The following MLLT10 variants were observed in gnomAD, a reference collection of about 807,000 sequenced individuals.
MLLT10 encodes MLLT10 histone lysine methyltransferase DOT1L cofactor.
MLLT10 carries 30 observed loss-of-function variants against 129.1 expected under a neutral mutation model. The observed-to-expected ratio is 0.23, with a 90% confidence interval of 0.17 to 0.32. MLLT10 has a LOEUF of 0.32. Ranked by LOEUF, MLLT10 falls within the 10% of genes least tolerant of loss-of-function variation. The pLI is 1.00. For missense variants in MLLT10, 1,119 were observed against 1,268.3 expected (o/e 0.88, Z 1.79); for synonymous variants, 490 against 446.4 (o/e 1.10, Z -1.23).
At chr10:21,737,180 C>T (rs1050126292) in intron 21 of MLLT10, among the ~76,000 whole-genome samples, 2 of 20,714 alleles carry the variant, frequency 9.7e-5, no homozygotes, top group Non-Finnish European at 1.6e-4. Flanking sequence ...GTGACACCTG[C>T]ACCTGACAGG....
chr10:21,618,551 TAAACATTGTAG>T (rs1241582033), intron 8 of MLLT10, among the ~76,000 whole-genome samples: 2 of 152,112 alleles, frequency 1.3e-5, no homozygotes, highest in Admixed American at 1.3e-4. Flanking sequence ...TTTTTCAAGG[TAAACATTGTAG>T]AAACTTAAGT....
chr10:21,589,637 C>T (rs1246622615), intron 4 of MLLT10, among the ~76,000 whole-genome samples: 1 of 152,160 alleles, frequency 6.6e-6, no homozygotes, highest in Non-Finnish European at 1.5e-5. Context: ...TGTAAATTCA[C>T]TTGTCCATCT....
intron 14 of MLLT10, among the ~76,000 whole-genome samples, chr10:21,717,901 C>A (rs1028070849): frequency 6.7e-6 from 1 of 148,392 alleles, no homozygotes; most frequent in African/African-American, 2.6e-5. Context: ...CCTCCTCCTC[C>A]TCCTCCTCCT....
chr10:21,570,710 AT>A (rs1366327038), intron 3 of MLLT10, among the ~76,000 whole-genome samples: 2 of 151,670 alleles, frequency 1.3e-5, no homozygotes, highest in Admixed American at 1.3e-4. Flanking sequence ...AATATTTCAT[AT>A]TTTTACTTAA....
intron 7 of MLLT10, among the ~76,000 whole-genome samples, chr10:21,615,553 CTT>C (rs1401852736): frequency 5.4e-5 from 8 of 148,876 alleles, no homozygotes; most frequent in Non-Finnish European, 1.0e-4. Flanking sequence ...CTGTAGGAAA[CTT>C]TATATTTTTA....
At chr10:21,714,873 G>A (rs1456461271) in intron 14 of MLLT10, among the ~76,000 whole-genome samples, 1 of 152,146 alleles carries the variant, frequency 6.6e-6, no homozygotes, top group Non-Finnish European at 1.5e-5. Context: ...TTGTAATCCT[G>A]TTTTATAAAG....
intron 3 of MLLT10, among the ~76,000 whole-genome samples, chr10:21,571,496 C>T (rs1386282538): frequency 3.3e-5 from 5 of 152,234 alleles, no homozygotes; most frequent in East Asian, 1.9e-4. Context: ...GCTGGGCACA[C>T]GTGCGGCCCA....
chr10:21,735,695 G>C (rs2058309950), intron 21 of MLLT10, among the ~76,000 whole-genome samples: 1 of 152,178 alleles, frequency 6.6e-6, no homozygotes, highest in Non-Finnish European at 1.5e-5. Flanking sequence ...GTGTGCCTTT[G>C]TGACTTGAGG....
At chr10:21,682,345 T>C in intron 13 of MLLT10, 88 bp downstream of exon 13, 1 of 1,276,688 alleles carries the variant, frequency 7.8e-7, no homozygotes, top group Non-Finnish European at 1.1e-6. Context: ...TAGCATGTTC[T>C]ATTGATTAGA....
At chr10:21,630,437 A>G (rs942685702) in intron 8 of MLLT10, among the ~76,000 whole-genome samples, 2 of 152,200 alleles carry the variant, frequency 1.3e-5, no homozygotes, top group East Asian at 3.8e-4. Context: ...CAGGTGTTGG[A>G]AGACAGTTCT....
chr10:21,723,195 AGTT>A (rs1275067527), intron 14 of MLLT10, among the ~76,000 whole-genome samples: 2 of 152,118 alleles, frequency 1.3e-5, no homozygotes, highest in Admixed American at 6.5e-5. Context: ...TATGCAAATT[AGTT>A]GTTGTGCCAT....
chr10:21,615,026 GAGTTT>G, intron 7 of MLLT10, 102 bp downstream of exon 7: 1 of 896,594 alleles, frequency 1.1e-6, no homozygotes, highest in Non-Finnish European at 1.7e-6. Flanking sequence ...CTTTTTCCTT[GAGTTT>G]TTGGCTGGAG....
intron 11 of MLLT10, among the ~76,000 whole-genome samples, chr10:21,677,868 A>G (rs1344417781): frequency 6.6e-6 from 1 of 152,238 alleles, no homozygotes; most frequent in Non-Finnish European, 1.5e-5. Flanking sequence ...TCACTATAAT[A>G]CTAACTCCTG....
At chr10:21,587,334 G>T (rs2042081097) in intron 4 of MLLT10, among the ~76,000 whole-genome samples, 1 of 150,892 alleles carries the variant, frequency 6.6e-6, no homozygotes, top group African/African-American at 2.4e-5. Context: ...CAGGAGGATG[G>T]CTTGAGTCTG....
Position 21,570,235 on chromosome 10 carries a change from T to TGC in MLLT10, c.241-16053_241-16052dup, listed in dbSNP as rs567250440. On this transcript the variant is annotated intron_variant, in intron 3 of 22. Coordinates refer to ENST00000307729, the MANE Select transcript of MLLT10 (RefSeq NM_001195626.3). ...ATTTGTGTGTGTGTGTGTGTGTGTG[T>TGC]GCGCGCGTGTGTGTGTGTTTAGAGA... 2.8e-3 allele frequency among the ~76,000 whole-genome samples: 424 copies of TGC among 149,026 alleles called. 7 individuals carry two copies. In the South Asian group the frequency reaches 0.039, roughly 14 times the overall value.
chr10:21,609,073 A>G (rs531642703), intron 5 of MLLT10, among the ~76,000 whole-genome samples: 65 of 152,196 alleles, frequency 4.3e-4, no homozygotes, highest in African/African-American at 1.5e-3. Context: ...TATTTTTCCA[A>G]TAGTATACAA....
intron 4 of MLLT10, among the ~76,000 whole-genome samples, chr10:21,595,065 G>T (rs1169788418): frequency 1.3e-5 from 2 of 152,158 alleles, no homozygotes; most frequent in Non-Finnish European, 2.9e-5. Context: ...TGTATAAGAA[G>T]TGTTAGTGCC....
chr10:21,540,998 A>G (rs1189929791), intron 3 of MLLT10, among the ~76,000 whole-genome samples: 9 of 152,036 alleles, frequency 5.9e-5, no homozygotes, highest in African/African-American at 2.2e-4. Flanking sequence ...CACCTCTACT[A>G]AAAATACAAA....
At chr10:21,723,996 A>G (rs1379649105) in intron 14 of MLLT10, among the ~76,000 whole-genome samples, 1 of 152,192 alleles carries the variant, frequency 6.6e-6, no homozygotes, top group Non-Finnish European at 1.5e-5. Context: ...AAAAATCTTA[A>G]CTGTATCTCT....
Sources: gnomAD v4.1 joint callset for allele counts (sites outside exome capture counted in the v4.1 genomes callset) on GRCh38, gnomAD v4.1.1 for gene constraint, MANE v1.5 for transcripts, NCBI Gene and HGNC (gene_info 2026-07-23, HGNC 2026-07-21) for gene names.